Variants in GATAD2A observed in about 807,000 individuals in gnomAD.
GATAD2A encodes GATA zinc finger domain containing 2A.
A neutral mutation model predicts 68.5 loss-of-function variants in GATAD2A; 12 were observed. That is an observed-to-expected ratio of 0.18 (90% CI 0.11 to 0.28). The LOEUF is 0.28. Among genes scored for constraint, GATAD2A ranks in the 10% least tolerant of loss-of-function variants. The pLI, the probability that GATAD2A is intolerant of heterozygous loss-of-function variation, is 1.00. For synonymous variants in GATAD2A, 410 were observed against 375.3 expected, an observed-to-expected ratio of 1.09 and a Z score of -1.07; for missense variants, 755 against 868.5, an observed-to-expected ratio of 0.87 and a Z score of 1.64.
chr19:19,396,103 CT>C, intron 1 of GATAD2A, among the ~76,000 whole-genome samples: 1 of 152,034 alleles, frequency 6.6e-6, no homozygotes, highest in Non-Finnish European at 1.5e-5. Flanking sequence ...GGTGGATCGC[CT>C]GAGGTCAGGA....
At chr19:19,492,028 C>T (rs531631137) in intron 2 of GATAD2A, among the ~76,000 whole-genome samples, 2 of 152,246 alleles carry the variant, frequency 1.3e-5, no homozygotes, top group Non-Finnish European at 2.9e-5. Flanking sequence ...ATGTCATGCT[C>T]AGGGGCATAC....
chr19:19,502,634 T>C, intron 11 of GATAD2A, 108 bp downstream of exon 11: 1 of 854,638 alleles, frequency 1.2e-6, no homozygotes, highest in South Asian at 1.7e-5. Flanking sequence ...CAGGCCCGCT[T>C]CCCAAGCTCA....
intron 1 of GATAD2A, among the ~76,000 whole-genome samples, chr19:19,441,029 CCCTT>C (rs1317334546): frequency 4.7e-5 from 7 of 148,170 alleles, no homozygotes; most frequent in Non-Finnish European, 1.0e-4. Context: ...TCCCTTCCTT[CCCTT>C]CCTTCTTTCC....
intron 1 of GATAD2A, among the ~76,000 whole-genome samples, chr19:19,453,291 TGA>T (rs2056578980): frequency 1.3e-5 from 2 of 152,144 alleles, no homozygotes; most frequent in Admixed American, 1.3e-4. Context: ...CTGCAGCAAT[TGA>T]GTTTATAGCA....
At chr19:19,392,079 C>CTTTTT (rs753791949) in intron 1 of GATAD2A, among the ~76,000 whole-genome samples, 11 of 107,084 alleles carry the variant, frequency 1.0e-4, no homozygotes, top group East Asian at 2.5e-4. Flanking sequence ...AGAGTTTTTC[C>CTTTTT]TTTTTTTTTT....
chr19:19,476,269 T>G (rs1568320393), intron 2 of GATAD2A, among the ~76,000 whole-genome samples: 1 of 152,238 alleles, frequency 6.6e-6, no homozygotes, highest in Non-Finnish European at 1.5e-5. Flanking sequence ...TTGAGCAGAT[T>G]TGCAGATTAA....
chr19:19,451,848 T>C (rs1317403967), intron 1 of GATAD2A, among the ~76,000 whole-genome samples: 1 of 152,226 alleles, frequency 6.6e-6, no homozygotes, highest in Non-Finnish European at 1.5e-5. Context: ...AAAGACTTTT[T>C]TTCTTCTTAC....
chr19:19,397,538 T>A (rs574757044), intron 1 of GATAD2A, among the ~76,000 whole-genome samples: 6 of 152,250 alleles, frequency 3.9e-5, no homozygotes, highest in African/African-American at 9.6e-5. Flanking sequence ...AATTGAGCTT[T>A]CAATAAACAT....
chr19:19,466,751 G>A (rs1411588368), intron 2 of GATAD2A, among the ~76,000 whole-genome samples: 2 of 152,224 alleles, frequency 1.3e-5, no homozygotes, highest in African/African-American at 2.4e-5. Context: ...GGGCTTTTCT[G>A]TCTGACTCTG....
intron 2 of GATAD2A, among the ~76,000 whole-genome samples, chr19:19,474,540 G>A (rs1174643503): frequency 6.6e-6 from 1 of 152,134 alleles, no homozygotes; most frequent in African/African-American, 2.4e-5. Flanking sequence ...TTTGCCCCTG[G>A]TGTGTATTGG....
intron 1 of GATAD2A, among the ~76,000 whole-genome samples, chr19:19,444,304 C>A (rs998737420): frequency 6.6e-6 from 1 of 152,046 alleles, no homozygotes; most frequent in Admixed American, 6.6e-5. Context: ...TGACTTGTTT[C>A]GTGAACAGTA....
At chr19:19,402,593 A>C (rs1201723740), upstream of GATAD2A, 1 of 150,000 alleles carries the variant, frequency 6.7e-6, no homozygotes, top group African/African-American at 2.4e-5. Context: ...AGAGGCTGAG[A>C]CAGGAGAATC....
intron 11 of GATAD2A, 134 bp from the exon 12 acceptor site, chr19:19,505,210 G>C: frequency 1.4e-6 from 1 of 727,268 alleles, no homozygotes; most frequent in Non-Finnish European, 2.3e-6. Context: ...TTGAGGAGTA[G>C]TGTGGGTGGG....
At chr19:19,421,826 T>TC (rs2052456991) in intron 1 of GATAD2A, among the ~76,000 whole-genome samples, 1 of 151,802 alleles carries the variant, frequency 6.6e-6, no homozygotes, top group South Asian at 2.1e-4. Context: ...TTTTTTTTTT[T>TC]CTTCTTTTTT....
intron 1 of GATAD2A, among the ~76,000 whole-genome samples, chr19:19,398,938 A>G (rs2049484203): frequency 6.6e-6 from 1 of 152,128 alleles, no homozygotes; most frequent in South Asian, 2.1e-4. Context: ...GGGCGCCTGT[A>G]ATCCCAGCTA....
At chr19:19,451,449 T>C (rs1480936686) in intron 1 of GATAD2A, among the ~76,000 whole-genome samples, 1 of 152,196 alleles carries the variant, frequency 6.6e-6, no homozygotes, top group Non-Finnish European at 1.5e-5. Context: ...GTTCACGCAT[T>C]GTCCAGATGT....
At chr19:19,465,156 G>A (rs2163804) in intron 1 of GATAD2A, among the ~76,000 whole-genome samples, 184 bp from the exon 2 acceptor site, 28,836 of 152,058 alleles carry the variant, frequency 0.19, 2,924 homozygotes, top group South Asian at 0.34. Context: ...CTCCTGCCTA[G>A]CCTTCCTCAA....
chr19:19,451,951 TC>T (rs1424905095), intron 1 of GATAD2A, among the ~76,000 whole-genome samples: 1 of 152,160 alleles, frequency 6.6e-6, no homozygotes, highest in Non-Finnish European at 1.5e-5. Flanking sequence ...TGAGCCTCCC[TC>T]CTTGGCCTCC....
At chr19:19,505,092 T>C (rs2060798394) in intron 11 of GATAD2A, among the ~76,000 whole-genome samples, 1 of 152,230 alleles carries the variant, frequency 6.6e-6, no homozygotes, top group African/African-American at 2.4e-5. Context: ...CCTCTGATGA[T>C]TGCCCCACAC....
Sources: gnomAD v4.1 joint callset for allele counts (sites outside exome capture counted in the v4.1 genomes callset) on GRCh38, gnomAD v4.1.1 for gene constraint, MANE v1.5 for transcripts, NCBI Gene and HGNC (gene_info 2026-07-23, HGNC 2026-07-21) for gene names.